The following XKR5 variants were observed in gnomAD, a reference collection of about 807,000 sequenced individuals.
XKR5 encodes the protein XK-related protein 5.
Under a neutral mutation model 40.8 loss-of-function variants are expected in XKR5, and 46 were observed. The ratio of observed to expected loss-of-function variants is 1.13; its 90% CI spans 0.89 to 1.44. The LOEUF is 1.44. XKR5 is among the 40% of genes most tolerant of loss of function. The probability of loss-of-function intolerance (pLI) is 0.00; values close to 1 mark genes in which losing one functional copy is unlikely to be tolerated. For missense variants in XKR5, 1,169 were observed against 844.7 expected (o/e 1.38, Z -4.76); for synonymous variants, 466 against 356.1 (o/e 1.31, Z -3.48).
intron 5 of XKR5, among the ~76,000 whole-genome samples, chr8:6,819,088 G>C (rs898976538): frequency 6.6e-6 from 1 of 152,210 alleles, no homozygotes; most frequent in East Asian, 1.9e-4. Context: ...TTCTTGAAGG[G>C]ATGTGGGGGT....
rs1804879425 is a variant in XKR5, at chr8:6,833,865, C to A, written c.59-965G>T. Among the ~76,000 whole-genome samples the A allele has an allele frequency of 2.0e-5, 3 of 152,212 alleles. 1 individual carries two copies. The South Asian group carries it at 6.2e-4, about 32-fold the overall frequency. ...GTCAGGGCTTTCCAGAGCTGTTGGGCAATATACGACATGTGTGAAGCGCCT... is the reference window on the plus strand; with the variant it reads ...GTCAGGGCTTTCCAGAGCTGTTGGGAAATATACGACATGTGTGAAGCGCCT... On this transcript the variant is annotated intron_variant, in intron 1 of 6. Coordinates refer to ENST00000618742, the MANE Select transcript of XKR5 (RefSeq NM_207411.5).
chr8:6,816,008 C>G, intron 5 of XKR5, 90 bp from the exon 6 acceptor site: 1 of 938,064 alleles, frequency 1.1e-6, no homozygotes, highest in East Asian at 2.7e-5. Flanking sequence ...GCTCCCCCTC[C>G]CCTCCATCCT....
chr8:6,828,700 A>T (rs1052203799), intron 2 of XKR5, among the ~76,000 whole-genome samples: 5 of 151,856 alleles, frequency 3.3e-5, no homozygotes, highest in Non-Finnish European at 7.4e-5. Context: ...GCCTGCATGG[A>T]CCCCGTCCCT....
In XKR5 at chr8:6,811,210, A is replaced by G; in HGVS notation, c.2049T>C (p.Ser683=). The G allele has an allele frequency of 6.5e-7, 1 of 1,534,444 alleles. No individual in the cohort carries two copies. ...SCREQMKQEP[S]FFI Reference sequence around the variant, plus strand: ...ACCATGACTGTGGTCAGATGAAAAAACTCGGCTCTTGCTTCATCTGTTCCC... The same window carrying G: ...ACCATGACTGTGGTCAGATGAAAAAGCTCGGCTCTTGCTTCATCTGTTCCC... Residue 683 remains serine, a synonymous_variant, in exon 7 of 7, where the codon AGT becomes AGC. Transcript: ENST00000618742.
At chr8:6,833,702 C>T (rs1804872168) in intron 1 of XKR5, among the ~76,000 whole-genome samples, 2 of 151,774 alleles carry the variant, frequency 1.3e-5, no homozygotes, top group African/African-American at 4.9e-5. Context: ...GGCCACAGAG[C>T]AAGACTCTTG....
chr8:6,811,680 TC>T lies in XKR5; in HGVS notation c.1578del (p.Thr527GlnfsTer76). 6.5e-7 allele frequency: 1 copy of T among 1,537,712 alleles called. No homozygotes were observed. ...TCCCCTCCTCTCTGCTGCCCACCTG[TC>T]CCCTTCCCCTGTGTCCCAGAAACAG... is the stretch of plus-strand genomic sequence containing the variant. The part of the protein sequence containing the change: ...ADAVSGTQGK[G>X]TGGQQRGGEG... On this transcript the variant is annotated frameshift_variant, in exon 7 of 7. Transcript: ENST00000618742. LOFTEE classifies it low-confidence loss of function (END_TRUNC).
chr8:6,814,812 G>A (rs1354869668), intron 6 of XKR5, among the ~76,000 whole-genome samples: 2 of 152,208 alleles, frequency 1.3e-5, no homozygotes, highest in Non-Finnish European at 2.9e-5. Context: ...AAGCCACAGT[G>A]TGTGACATTT....
chr8:6,829,177 T>C (rs1804649378), intron 2 of XKR5: 1 of 168,756 alleles, frequency 5.9e-6, no homozygotes, highest in African/African-American at 2.4e-5. Flanking sequence ...ACCTTTAGAG[T>C]TTACCTTAAC....
chr8:6,828,297 G>T (rs1804611938), intron 2 of XKR5, among the ~76,000 whole-genome samples: 1 of 152,200 alleles, frequency 6.6e-6, no homozygotes, highest in African/African-American at 2.4e-5. Flanking sequence ...CAGGTAGATG[G>T]TAGGAAGAGC....
At position 6,832,810 on chromosome 8, in the gene XKR5, T is replaced by C. The variant is rs778494673; in HGVS notation, c.149A>G (p.Gln50Arg). Residue 50 changes from glutamine to arginine, a missense_variant, in exon 2 of 7, where the codon CAG (glutamine) becomes CGG (arginine). Coordinates refer to ENST00000618742, the MANE Select transcript of XKR5 (RefSeq NM_207411.5). ...TCGGAACCACAGGTAGCTCAGGGCC[T>C]GGACCAAGAACCCGGGCAGGAGGAC... is the stretch of plus-strand genomic sequence containing the variant. Reference protein sequence around the residue: ...LAVLLPGFLVQALSYLWFRAD... With the variant: ...LAVLLPGFLVRALSYLWFRAD... 1 of 1,612,776 alleles carries C rather than the reference T, an allele frequency of 6.2e-7. No individual in the cohort carries two copies. The highest frequency in any genetic ancestry group is 8.5e-7 in the Non-Finnish European group (1 of 1,179,480).
At position 6,812,108 on chromosome 8, in the gene XKR5, G is replaced by A. The variant is rs1803743237; in HGVS notation, c.1151C>T (p.Pro384Leu). ...CTGGGTCCCCAGCCCAGCCTCTGGG[G>A]GGACCTGCTCAGGGGTAGGGGGCTT... is the stretch of plus-strand genomic sequence containing the variant. Reference protein sequence around the residue: ...LGKPPTPEQVPPEAGLGTQVA... With the variant: ...LGKPPTPEQVLPEAGLGTQVA... The change falls in exon 7 of 7, where the codon CCC becomes CTC. Residue 384 changes from proline to leucine, a missense_variant. Transcript: ENST00000618742. 6.5e-7 allele frequency: 1 copy of A among 1,546,252 alleles called. No individual in the cohort carries two copies. Among genetic ancestry groups the A allele is most frequent in the Non-Finnish European group, 8.7e-7 (1 of 1,147,000 alleles).
chr8:6,823,642 C>A lies in XKR5; in HGVS notation c.516G>T (p.Leu172=). The change falls in exon 4 of 7, where the codon CTG becomes CTT. Residue 172 remains leucine (L), a synonymous_variant. Coordinates refer to ENST00000618742, the MANE Select transcript of XKR5 (RefSeq NM_207411.5). ...RFMGFMKPGH[L]AMPWAALFCQ... is the part of the protein sequence containing the mutation. ...AGAAGAGGGCGGCCCATGGCATGGC[C>A]AGGTGGCCTGGCTTCATGAAGCCCA... The A allele has an allele frequency of 6.3e-7, 1 of 1,593,312 alleles. No individual in the cohort carries two copies. The highest frequency in any genetic ancestry group is 2.3e-5 in the East Asian group (1 of 43,880).
In XKR5 at chr8:6,811,005, T is replaced by G. The variant is rs144059649; in HGVS notation, c.*193A>C. On this transcript the variant is annotated 3_prime_UTR_variant, in exon 7 of 7. Transcript: ENST00000618742. ...GAGTCTCTCCTATGCATGGGTGGGG[T>G]CTGTGATGTTTGCATTGGACCTGCA... 8.7e-6 allele frequency: 5 copies of G among 576,118 alleles called. No individual in the cohort carries two copies. Among genetic ancestry groups the G allele is most frequent in the Non-Finnish European group, 9.1e-6 (3 of 329,834 alleles). The allele number at this position is 576,118 out of a possible 1,614,324, so 35.7% of individuals were successfully genotyped here.
intron 3 of XKR5, among the ~76,000 whole-genome samples, chr8:6,824,293 T>C (rs1047553774): frequency 1.5e-4 from 17 of 113,076 alleles, no homozygotes; most frequent in African/African-American, 5.7e-4. Flanking sequence ...GAGATGAAGA[T>C]GGAAGGGGAG....
At chr8:6,816,852 T>A (rs1265536157) in intron 5 of XKR5, among the ~76,000 whole-genome samples, 1 of 152,040 alleles carries the variant, frequency 6.6e-6, no homozygotes, top group South Asian at 2.1e-4. Context: ...AGGTTATTCA[T>A]TGGCTTCGTT....
intron 2 of XKR5, among the ~76,000 whole-genome samples, chr8:6,828,531 A>G (rs537845570): frequency 6.6e-6 from 1 of 152,184 alleles, no homozygotes; most frequent in Admixed American, 6.5e-5. Flanking sequence ...TCAGGCTGAG[A>G]CCCCTGGACA....
intron 2 of XKR5, among the ~76,000 whole-genome samples, chr8:6,826,153 A>G (rs1804467070): frequency 6.6e-6 from 1 of 152,104 alleles, no homozygotes; most frequent in Non-Finnish European, 1.5e-5. Context: ...GTGTGTATGT[A>G]TCTGCATGTG....
At chr8:6,821,644 C>T (rs1408982836) in intron 5 of XKR5, among the ~76,000 whole-genome samples, 1 of 152,192 alleles carries the variant, frequency 6.6e-6, no homozygotes, top group African/African-American at 2.4e-5. Flanking sequence ...GTTGTTGCCA[C>T]ATTGAATGCA....
At chr8:6,835,184 AG>A (rs576468146) in intron 1 of XKR5, among the ~76,000 whole-genome samples, 225 of 82,170 alleles carry the variant, frequency 2.7e-3, no homozygotes, top group African/African-American at 8.9e-3. Context: ...ACCAGTCGGG[AG>A]GGGGGGGAAC....
Sources: gnomAD v4.1 joint callset for allele counts (sites outside exome capture counted in the v4.1 genomes callset) on GRCh38, gnomAD v4.1.1 for gene constraint, MANE v1.5 for transcripts, NCBI Gene and HGNC (gene_info 2026-07-23, HGNC 2026-07-21) for gene names.